NTRK3: variants seen among roughly 807,000 people sequenced by gnomAD.
The protein encoded by NTRK3 is neurotrophic receptor tyrosine kinase 3.
Under a neutral mutation model 91.7 loss-of-function variants are expected in NTRK3, and 24 were observed. The observed-to-expected ratio is 0.26, with a 90% CI of 0.19 to 0.37. NTRK3 has a LOEUF of 0.37. NTRK3 is among the 10% of genes least tolerant of loss of function. NTRK3 has a pLI of 1.00. For missense variants in NTRK3, 880 were observed against 1,068.9 expected, an observed-to-expected ratio of 0.82 and a Z score of 2.46; for synonymous variants, 483 against 404.0, an observed-to-expected ratio of 1.20 and a Z score of -2.34.
In NTRK3 at chr15:87,947,652, C is replaced by T. The variant is rs568066678; in HGVS notation, c.1586-6899G>A. ...AAGGTGAGTCCTGAGCGTGACTACACGCAGGAGGGAGGAGGGAGGAGGGAG... is the reference window on the plus strand; with the variant it reads ...AAGGTGAGTCCTGAGCGTGACTACATGCAGGAGGGAGGAGGGAGGAGGGAG... On this transcript the variant is annotated intron_variant, in intron 14 of 18. Coordinates refer to ENST00000394480, the Ensembl canonical transcript of NTRK3. Among the ~76,000 whole-genome samples, 20 of 151,712 alleles carry T rather than the reference C, an allele frequency of 1.3e-4. No individual in the cohort carries two copies. The South Asian group carries it at 1.7e-3, about 13-fold the overall frequency.
intron 14 of NTRK3, among the ~76,000 whole-genome samples, chr15:87,961,232 C>T (rs2072253945): frequency 6.6e-6 from 1 of 152,190 alleles, no homozygotes; most frequent in African/African-American, 2.4e-5. Flanking sequence ...TGTGCACAGC[C>T]ATCTCCCTCT....
chr15:88,164,283 C>G (rs2044732672), intron 5 of NTRK3, among the ~76,000 whole-genome samples: 1 of 152,230 alleles, frequency 6.6e-6, no homozygotes, highest in Non-Finnish European at 1.5e-5. Flanking sequence ...CCAAGACAGG[C>G]ACTCTTGCCC....
intron 5 of NTRK3, among the ~76,000 whole-genome samples, chr15:88,173,364 A>G (rs1236893487): frequency 1.3e-5 from 2 of 152,208 alleles, no homozygotes; most frequent in Non-Finnish European, 2.9e-5. Context: ...ACCTACAGTC[A>G]TAATCCTGCC....
chr15:87,993,013 C>G (rs1174732582), intron 14 of NTRK3, among the ~76,000 whole-genome samples: 2 of 152,204 alleles, frequency 1.3e-5, no homozygotes, highest in Non-Finnish European at 1.5e-5. Context: ...ACTTGCAAAG[C>G]ATTTCTCCTT....
At chr15:88,195,393 G>A (rs2047731107) in intron 3 of NTRK3, among the ~76,000 whole-genome samples, 1 of 152,152 alleles carries the variant, frequency 6.6e-6, no homozygotes, top group Non-Finnish European at 1.5e-5. Flanking sequence ...CCGGTACATA[G>A]TAGAAATTTT....
chr15:88,137,313 C>T, intron 7 of NTRK3, 91 bp downstream of exon 7: 3 of 1,493,798 alleles, frequency 2.0e-6, no homozygotes, highest in Non-Finnish European at 2.8e-6. Flanking sequence ...GAAAGGAAGG[C>T]TCTGGCATCC....
chr15:88,069,182 G>A (rs564379797), intron 13 of NTRK3, among the ~76,000 whole-genome samples: 1 of 152,140 alleles, frequency 6.6e-6, no homozygotes, highest in Non-Finnish European at 1.5e-5. Context: ...GGACAACCTT[G>A]CAGAAAGAGA....
rs191292544 is a variant in NTRK3, at chr15:87,974,626, C to T, written c.1586-33873G>A. Reference sequence around the variant, plus strand: ...TCATCCAACTGTATGATGAGTCCTCCCCAATATCAAAAAGGCCATCATTGC... The same window carrying T: ...TCATCCAACTGTATGATGAGTCCTCTCCAATATCAAAAAGGCCATCATTGC... On this transcript the variant is annotated intron_variant, in intron 14 of 18. Transcript: ENST00000394480. Among the ~76,000 whole-genome samples, 36 of 152,180 alleles carry T rather than the reference C, an allele frequency of 2.4e-4. 1 individual carries two copies. The East Asian group carries it at 6.8e-3, about 29-fold the overall frequency.
At chr15:87,890,660 T>C (rs2065810974) in intron 17 of NTRK3, among the ~76,000 whole-genome samples, 1 of 152,142 alleles carries the variant, frequency 6.6e-6, no homozygotes, top group Non-Finnish European at 1.5e-5. Context: ...TGATGCCTGG[T>C]GTTTCATCTT....
At chr15:88,137,460 C>G in exon 7 of NTRK3, 1 of 1,614,182 alleles carries the variant, frequency 6.2e-7, no homozygotes, top group Non-Finnish European at 8.5e-7. Flanking sequence ...AGCGTTGATG[C>G]AGTAGAGGTT....
intron 13 of NTRK3, among the ~76,000 whole-genome samples, chr15:88,118,401 T>C (rs11630338): frequency 0.24 from 37,149 of 151,940 alleles, 4,902 homozygotes; most frequent in African/African-American, 0.31. Flanking sequence ...GTTGGAGCAG[T>C]TTCCACAACT....
chr15:88,180,568 C>G (rs985089662), intron 5 of NTRK3, among the ~76,000 whole-genome samples: 7 of 150,908 alleles, frequency 4.6e-5, no homozygotes, highest in Admixed American at 2.6e-4. Flanking sequence ...GGAGACAGTT[C>G]AACCAATCAG....
At chr15:87,926,062 G>A (rs2068281846) in intron 17 of NTRK3, among the ~76,000 whole-genome samples, 1 of 152,200 alleles carries the variant, frequency 6.6e-6, no homozygotes, top group Non-Finnish European at 1.5e-5. Context: ...ATTGAACAGA[G>A]GTTAGAGGAA....
chr15:88,246,141 G>A (rs2052794351), intron 3 of NTRK3, among the ~76,000 whole-genome samples: 1 of 152,186 alleles, frequency 6.6e-6, no homozygotes, highest in East Asian at 1.9e-4. Context: ...TTGTTAGTAG[G>A]AGGACACTCA....
intron 3 of NTRK3, among the ~76,000 whole-genome samples, chr15:88,232,589 T>C (rs1017136909): frequency 6.6e-5 from 10 of 152,170 alleles, no homozygotes; most frequent in Non-Finnish European, 1.3e-4. Context: ...ATTTGGGCAA[T>C]TGGCCCTCTA....
intron 13 of NTRK3, among the ~76,000 whole-genome samples, chr15:88,108,642 G>C (rs375819169): frequency 6.6e-6 from 1 of 152,360 alleles, no homozygotes; most frequent in African/African-American, 2.4e-5. Flanking sequence ...ATAAATCAGA[G>C]TGTAGCCTGG....
chr15:88,051,815 G>T (rs1418947328), intron 13 of NTRK3, among the ~76,000 whole-genome samples: 2 of 152,222 alleles, frequency 1.3e-5, no homozygotes, highest in South Asian at 2.1e-4. Flanking sequence ...TGATTTAAGT[G>T]ACAGGTTCTT....
intron 5 of NTRK3, among the ~76,000 whole-genome samples, chr15:88,170,830 A>G (rs919989526): frequency 1.3e-5 from 2 of 151,998 alleles, no homozygotes; most frequent in Non-Finnish European, 2.9e-5. Flanking sequence ...ACCCCAGGCA[A>G]CTCTGATGAT....
At chr15:88,031,193 A>G (rs922058372) in intron 14 of NTRK3, among the ~76,000 whole-genome samples, 2 of 152,238 alleles carry the variant, frequency 1.3e-5, no homozygotes, top group Non-Finnish European at 2.9e-5. Flanking sequence ...CGAGGCTCAC[A>G]GGAACCTAAC....
Sources: gnomAD v4.1 joint callset for allele counts (sites outside exome capture counted in the v4.1 genomes callset) on GRCh38, gnomAD v4.1.1 for gene constraint, MANE v1.5 for transcripts, NCBI Gene and HGNC (gene_info 2026-07-23, HGNC 2026-07-21) for gene names.